Variants in METTL4 observed in about 807,000 individuals in gnomAD.
METTL4 encodes the protein N(6)-adenine-specific methyltransferase METTL4.
A neutral mutation model predicts 54.0 loss-of-function variants in METTL4; 40 were observed. The observed-to-expected ratio is 0.74, with a 90% CI of 0.58 to 0.96. The LOEUF is 0.96. METTL4 is among the 50% of genes least tolerant of loss of function. METTL4 has a pLI of 0.00. For missense variants in METTL4, 525 were observed against 549.0 expected, an observed-to-expected ratio of 0.96 and a Z score of 0.44; for synonymous variants, 169 against 183.8, an observed-to-expected ratio of 0.92 and a Z score of 0.65.
In METTL4 at chr18:2,541,057, T is replaced by C. The variant is rs577283485; in HGVS notation, c.1274-1912A>G. On this transcript the variant is annotated intron_variant, in intron 8 of 8. Coordinates refer to ENST00000574538, the MANE Select transcript of METTL4 (RefSeq NM_022840.5). The stretch of plus-strand genomic sequence containing the variant: ...ATACATACAACCTAAACCCATTTAC[T>C]GCCATCCTATTTTCTCAATGTAGTA... 3.3e-5 allele frequency among the ~76,000 whole-genome samples: 5 copies of C among 152,348 alleles called. No homozygotes were observed. In the South Asian group the frequency reaches 1.0e-3, roughly 32 times the overall value.
rs547486178 is a variant in METTL4, at chr18:2,545,929, C to A, written c.1075-1170G>T. ...CATCTCTTAGAACTGATAACTACTA[C>A]GGATTAATAATCTTAGTTTCTATGT... On this transcript the variant is annotated intron_variant, in intron 6 of 8. Transcript: ENST00000574538. Among the ~76,000 whole-genome samples, 21 of 152,176 alleles carry A rather than the reference C, an allele frequency of 1.4e-4. No homozygotes were observed. In the South Asian group the frequency reaches 1.9e-3, roughly 14 times the overall value.
Position 2,566,903 on chromosome 18 carries a change from T to A in METTL4, c.314A>T (p.His105Leu), listed in dbSNP as rs781153012. The change falls in exon 2 of 9, where the codon CAT becomes CTT. Residue 105 changes from histidine (H) to leucine (L), a missense_variant. Physicochemically the swap from His to Leu is moderately conservative, Grantham distance 99 (BLOSUM62 -3). Transcript: ENST00000574538. ...TTCATTACTTTGCTGGCATTCTTTA[T>A]GAACAGCTGGAGTTATATAAGGTTT... is the stretch of plus-strand genomic sequence containing the variant. ...VTKPYITPAV[H>L]KECQQSNEKE... is the part of the protein sequence containing the mutation. The A allele has an allele frequency of 1.2e-6, 2 of 1,613,610 alleles. No homozygotes were observed. The highest frequency in any genetic ancestry group is 4.5e-5 in the East Asian group (2 of 44,854).
chr18:2,563,898 C>T (rs556235373), intron 2 of METTL4, 39 bp from the exon 3 acceptor site: 5 of 1,490,144 alleles, frequency 3.4e-6, no homozygotes, highest in Non-Finnish European at 3.7e-6. Context: ...AGTTATGTTG[C>T]CATTAATATT....
intron 3 of METTL4, 121 bp from the exon 4 acceptor site, chr18:2,555,159 T>C (rs1032245371): frequency 1.9e-6 from 2 of 1,030,296 alleles, no homozygotes; most frequent in African/African-American, 3.2e-5. Flanking sequence ...AGTAAAATAA[T>C]TCTGTACTAC....
chr18:2,555,803 T>TGTCG (rs142249542), intron 3 of METTL4, among the ~76,000 whole-genome samples: 3 of 151,428 alleles, frequency 2.0e-5, no homozygotes, highest in African/African-American at 7.3e-5. Flanking sequence ...TTGTTTGTTT[T>TGTCG]GTTGGTTGGT....
intron 3 of METTL4, among the ~76,000 whole-genome samples, chr18:2,557,943 T>TA (rs989009236): frequency 3.3e-5 from 5 of 152,192 alleles, no homozygotes; most frequent in Non-Finnish European, 7.3e-5. Context: ...TGCATCAGTA[T>TA]AGGGGCATAA....
chr18:2,540,474 T>G, intron 8 of METTL4: 1 of 984,872 alleles, frequency 1.0e-6, no homozygotes, highest in Non-Finnish European at 1.2e-6. Flanking sequence ...TGTTCTTCAG[T>G]TGCTCTCACA....
chr18:2,541,007 C>T (rs1182469343), intron 8 of METTL4: 5 of 804,276 alleles, frequency 6.2e-6, no homozygotes, highest in Non-Finnish European at 7.5e-6. Flanking sequence ...AAAATAATGG[C>T]CAGGTACTTG....
intron 4 of METTL4, 176 bp downstream of exon 4, chr18:2,554,493 T>TA (rs1165300650): frequency 1.1e-5 from 6 of 570,944 alleles, no homozygotes; most frequent in Admixed American, 3.6e-5. Flanking sequence ...TTTATTTTTT[T>TA]AAAAAAAGCA....
At chr18:2,563,773 G>A (rs1374884971) in intron 3 of METTL4, 24 bp downstream of exon 3, 4 of 1,539,226 alleles carry the variant, frequency 2.6e-6, no homozygotes, top group Admixed American at 3.8e-5. Flanking sequence ...CTTCCAATGT[G>A]ATCAATGAAC....
chr18:2,540,580 T>G, intron 8 of METTL4: 10 of 985,418 alleles, frequency 1.0e-5, no homozygotes, highest in Non-Finnish European at 1.2e-5. Context: ...TCAAGTGAAC[T>G]CAAATTTGGG....
At chr18:2,539,503 C>G (rs1287490788) in intron 8 of METTL4, among the ~76,000 whole-genome samples, 1 of 142,718 alleles carries the variant, frequency 7.0e-6, no homozygotes, top group East Asian at 2.1e-4. Context: ...TTTTTTGAGA[C>G]AAGAGTCTCG....
At position 2,539,025 on chromosome 18, in the gene METTL4, AAAT is replaced by A. The variant is rs1312345605; in HGVS notation, c.1391_1393del (p.Tyr464del). The stretch of plus-strand genomic sequence containing the variant: ...TCAGCTTCCAGACTCCACAGCAATA[AAAT>A]AATCCACATGCTGAAATTTGAGAAC... On this transcript the variant is annotated inframe_deletion, in exon 9 of 9. Coordinates refer to ENST00000574538, the MANE Select transcript of METTL4 (RefSeq NM_022840.5). 6.2e-7 allele frequency: 1 copy of A among 1,613,874 alleles called. No homozygotes were observed. Among genetic ancestry groups the A allele is most frequent in the Non-Finnish European group, 8.5e-7 (1 of 1,179,958 alleles).
intron 1 of METTL4, among the ~76,000 whole-genome samples, chr18:2,570,380 C>T (rs1014664620): frequency 1.3e-5 from 2 of 152,084 alleles, no homozygotes; most frequent in African/African-American, 4.8e-5. Context: ...GAATGTATAC[C>T]GAAATACAAG....
In METTL4 at chr18:2,567,018, A is replaced by G. The variant is rs745396793; in HGVS notation, c.199T>C (p.Ser67Pro). The G allele has an allele frequency of 3.1e-6, 5 of 1,614,076 alleles. No individual in the cohort carries two copies. The highest frequency in any genetic ancestry group is 2.2e-5 in the South Asian group (2 of 91,080). The change falls in exon 2 of 9, where the codon TCT (serine) becomes CCT (proline). Residue 67 changes from serine to proline, a missense_variant. Coordinates refer to ENST00000574538, the MANE Select transcript of METTL4 (RefSeq NM_022840.5). ...GVCAAFIASDSSTKPENDDGG... is the reference protein window; with the variant it reads ...GVCAAFIASDPSTKPENDDGG... ...TCATCATTCTCTGGCTTAGTGGAAG[A>G]GTCAGAAGCAATAAATGCAGCACAG...
chr18:2,554,472 T>C, intron 4 of METTL4, 197 bp downstream of exon 4: 3 of 534,494 alleles, frequency 5.6e-6, no homozygotes, highest in Admixed American at 3.7e-5. Context: ...TTTGACTCTT[T>C]ATTCACAATA....
At position 2,544,217 on chromosome 18, in the gene METTL4, G is replaced by A; in HGVS notation, c.1251C>T (p.His417=). 1.2e-6 allele frequency: 2 copies of A among 1,610,464 alleles called. No individual in the cohort carries two copies. Among genetic ancestry groups the A allele is most frequent in the South Asian group, 1.1e-5 (1 of 90,098 alleles). The change falls in exon 8 of 9, where the codon CAC becomes CAT. Residue 417 remains histidine, a synonymous_variant. Coordinates refer to ENST00000574538, the MANE Select transcript of METTL4 (RefSeq NM_022840.5). ...TACCAGCAAGCGGTGGCTTATGTGA[G>A]TGAAGAGTACAGGGCACGCTGACAA... ...KLIVSVPCTL[H]SHKPPLAEVL... is the part of the protein sequence containing the mutation.
At chr18:2,542,856 G>A (rs926069124) in intron 8 of METTL4, among the ~76,000 whole-genome samples, 9 of 152,034 alleles carry the variant, frequency 5.9e-5, no homozygotes, top group Non-Finnish European at 1.2e-4. Flanking sequence ...GGCTGGGTGC[G>A]GTGGCTCATG....
At chr18:2,542,712 T>C (rs2072011231) in intron 8 of METTL4, among the ~76,000 whole-genome samples, 1 of 152,108 alleles carries the variant, frequency 6.6e-6, no homozygotes. Context: ...TATTAAAGCA[T>C]TAAAGGTCTA....
Sources: gnomAD v4.1 joint callset for allele counts (sites outside exome capture counted in the v4.1 genomes callset) on GRCh38, gnomAD v4.1.1 for gene constraint, MANE v1.5 for transcripts, NCBI Gene and HGNC (gene_info 2026-07-23, HGNC 2026-07-21) for gene names.